WARS2: variants seen among roughly 807,000 people sequenced by gnomAD.
WARS2 encodes the protein tryptophan--tRNA ligase, mitochondrial.
In WARS2, 28 loss-of-function variants were observed where a neutral mutation model predicts 36.5. The ratio of observed to expected loss-of-function variants is 0.77; its 90% confidence interval spans 0.57 to 1.05. The LOEUF is 1.05. Among genes scored for constraint, WARS2 ranks in the 50% least tolerant of loss-of-function variants. The pLI, the probability that WARS2 is intolerant of heterozygous loss-of-function variation, is 0.00. For missense variants in WARS2, 435 were observed against 456.8 expected (o/e 0.95, Z 0.44); for synonymous variants, 174 against 178.4 (o/e 0.98, Z 0.20).
At chr1:119,132,831 T>G (rs1427673486) in intron 1 of WARS2, among the ~76,000 whole-genome samples, 1 of 152,192 alleles carries the variant, frequency 6.6e-6, no homozygotes, top group East Asian at 1.9e-4. Flanking sequence ...ACCTTAATAC[T>G]CTATAATTAA....
chr1:119,102,600 C>T (rs1235367900), intron 1 of WARS2, among the ~76,000 whole-genome samples: 1 of 152,158 alleles, frequency 6.6e-6, no homozygotes, highest in Non-Finnish European at 1.5e-5. Context: ...CTTTCCTACT[C>T]TATGGAAATA....
At chr1:119,092,620 C>G (rs186708323) in intron 1 of WARS2, among the ~76,000 whole-genome samples, 1 of 152,280 alleles carries the variant, frequency 6.6e-6, no homozygotes, top group Non-Finnish European at 1.5e-5. Context: ...CAACTCCTTC[C>G]TTTCCCTTAC....
chr1:119,066,874 G>C (rs575348826), intron 2 of WARS2, among the ~76,000 whole-genome samples: 60 of 152,226 alleles, frequency 3.9e-4, no homozygotes, highest in African/African-American at 1.4e-3. Flanking sequence ...CCTCCTGAAT[G>C]TACTCTTAGG....
At chr1:119,126,462 A>T (rs1164822306) in intron 1 of WARS2, 6 of 412,448 alleles carry the variant, frequency 1.5e-5, no homozygotes, top group African/African-American at 1.0e-4. Context: ...TCATGGTAAC[A>T]CTCTGAGGTA....
chr1:119,067,598 A>G (rs1650978866), intron 2 of WARS2, among the ~76,000 whole-genome samples: 1 of 152,200 alleles, frequency 6.6e-6, no homozygotes, highest in South Asian at 2.1e-4. Flanking sequence ...ATCCTTCTCA[A>G]TATCAAGGAG....
At chr1:119,134,333 A>AAG (rs1656335091) in intron 1 of WARS2, among the ~76,000 whole-genome samples, 1 of 151,026 alleles carries the variant, frequency 6.6e-6, no homozygotes, top group East Asian at 1.9e-4. Flanking sequence ...AAAAAAAAAA[A>AAG]AAAAAAAACA....
chr1:119,114,272 C>T lies in WARS2; in HGVS notation c.90+26283G>A, dbSNP rs188573294. Among the ~76,000 whole-genome samples the T allele has an allele frequency of 1.4e-3, 214 of 152,258 alleles. 1 individual carries two copies. Among genetic ancestry groups the T allele is most frequent in the African/African-American group, 4.8e-3 (201 of 41,562 alleles). Reference sequence around the variant, plus strand: ...AAAGGAAAAACAAGTCGCCAACCTACAGAAAGGGACAGACTAGTCTGAAAG... The same window carrying T: ...AAAGGAAAAACAAGTCGCCAACCTATAGAAAGGGACAGACTAGTCTGAAAG... On this transcript the variant is annotated intron_variant, in intron 1 of 5. Transcript: ENST00000235521.
chr1:119,136,150 A>G (rs1241005241), intron 1 of WARS2, among the ~76,000 whole-genome samples: 3 of 152,120 alleles, frequency 2.0e-5, no homozygotes, highest in South Asian at 2.1e-4. Flanking sequence ...GTGTGTACAT[A>G]TAGTTGTAGA....
intron 4 of WARS2, among the ~76,000 whole-genome samples, chr1:119,037,122 G>T (rs574796451): frequency 6.6e-5 from 10 of 151,854 alleles, no homozygotes; most frequent in Non-Finnish European, 2.9e-5. Flanking sequence ...CCCTTTTAAT[G>T]TGTCTTCTCT....
intron 1 of WARS2, among the ~76,000 whole-genome samples, chr1:119,123,198 G>A (rs1178119094): frequency 6.6e-6 from 1 of 152,200 alleles, no homozygotes; most frequent in Non-Finnish European, 1.5e-5. Flanking sequence ...ATGTTCCCTT[G>A]AAGGGTGGAA....
chr1:119,124,519 A>C (rs919611013), intron 1 of WARS2, among the ~76,000 whole-genome samples: 4 of 152,234 alleles, frequency 2.6e-5, no homozygotes, highest in African/African-American at 7.2e-5. Flanking sequence ...AATGAAATGA[A>C]ATGACATGAA....
At chr1:119,075,324 C>T (rs934899527) in intron 2 of WARS2, among the ~76,000 whole-genome samples, 2 of 152,096 alleles carry the variant, frequency 1.3e-5, no homozygotes, top group South Asian at 2.1e-4. Flanking sequence ...TTAAAGTATA[C>T]GAGAGAGTAT....
intron 4 of WARS2, among the ~76,000 whole-genome samples, chr1:119,034,660 T>G (rs1288667201): frequency 6.6e-6 from 1 of 152,320 alleles, no homozygotes; most frequent in East Asian, 1.9e-4. Context: ...CAGCAGAAAG[T>G]TCTTCAGGCA....
intron 1 of WARS2, among the ~76,000 whole-genome samples, chr1:119,096,105 G>A (rs892983339): frequency 6.6e-6 from 1 of 152,084 alleles, no homozygotes; most frequent in Non-Finnish European, 1.5e-5. Context: ...TAAAATTCAA[G>A]GACATTTCTT....
intron 1 of WARS2, among the ~76,000 whole-genome samples, chr1:119,137,605 G>C (rs963816103): frequency 2.0e-5 from 3 of 152,120 alleles, no homozygotes; most frequent in Non-Finnish European, 2.9e-5. Context: ...TTCTGTGTTT[G>C]GCCAATGATG....
intron 4 of WARS2, among the ~76,000 whole-genome samples, chr1:119,041,084 C>G (rs1648315291): frequency 6.6e-6 from 1 of 152,222 alleles, no homozygotes; most frequent in Non-Finnish European, 1.5e-5. Flanking sequence ...AGCAGCTGCT[C>G]TTTTGGCCGT....
intron 1 of WARS2, among the ~76,000 whole-genome samples, chr1:119,086,489 G>C (rs1652679431): frequency 6.6e-6 from 1 of 152,112 alleles, no homozygotes. Context: ...AAGTGGAATT[G>C]TCCAAAGAAA....
At position 119,045,612 on chromosome 1, in the gene WARS2, T is replaced by C. The variant is rs777267723; in HGVS notation, c.399A>G (p.Leu133=). The C allele has an allele frequency of 1.6e-4, 256 of 1,595,278 alleles. No individual in the cohort carries two copies. Among genetic ancestry groups the C allele is most frequent in the Non-Finnish European group, 2.1e-4 (247 of 1,167,856 alleles). ...ACTGATGTAAATGTTGTAATCGAGGTAGTCTGACCATGCAGGAAAGGATCC... is the reference window on the plus strand; with the variant it reads ...ACTGATGTAAATGTTGTAATCGAGGCAGTCTGACCATGCAGGAAAGGATCC... ...LSWILSCMVR[L]PRLQHLHQWK... is the part of the protein sequence containing the mutation. Residue 133 remains leucine (L), a synonymous_variant, in exon 3 of 6, where the codon CTA becomes CTG. Transcript: ENST00000235521.
chr1:119,116,001 C>CT (rs1484262924), intron 1 of WARS2, among the ~76,000 whole-genome samples: 11 of 152,190 alleles, frequency 7.2e-5, no homozygotes, highest in Admixed American at 6.5e-4. Flanking sequence ...TCAGAATTGA[C>CT]TAGCATAAGC....
Sources: allele counts gnomAD v4.1 joint callset (sites outside exome capture counted in the v4.1 genomes callset), GRCh38; gene constraint gnomAD v4.1.1; transcripts MANE v1.5; gene names NCBI Gene and HGNC (gene_info 2026-07-23, HGNC 2026-07-21).